CSF1R: variants seen among roughly 807,000 people sequenced by gnomAD.
CSF1R encodes macrophage colony-stimulating factor 1 receptor.
Under a neutral mutation model 110.0 loss-of-function variants are expected in CSF1R, and 40 were observed. The ratio of observed to expected loss-of-function variants is 0.36; its 90% CI spans 0.28 to 0.47. The LOEUF is 0.47. CSF1R is among the 20% of genes least tolerant of loss of function. CSF1R has a pLI of 0.99. For synonymous variants in CSF1R, 523 were observed against 503.4 expected, an observed-to-expected ratio of 1.04 and a Z score of -0.52; for missense variants, 1,052 against 1,253.0, an observed-to-expected ratio of 0.84 and a Z score of 2.42.
chr5:150,098,937 A>G (rs1045980311), intron 1 of CSF1R, among the ~76,000 whole-genome samples: 9 of 137,148 alleles, frequency 6.6e-5, no homozygotes, highest in Non-Finnish European at 1.2e-4. Flanking sequence ...CTTGTCACCC[A>G]GGCTATAGTG....
chr5:150,061,903 ACCTTGTTTCTGAC>A, intron 10 of CSF1R, 54 bp from the exon 11 acceptor site: 1 of 1,610,762 alleles, frequency 6.2e-7, no homozygotes, highest in South Asian at 1.1e-5. Context: ...CAGTTCCTGG[ACCTTGTTTCTGAC>A]CCCCAAGAGC....
In CSF1R at chr5:150,077,980, C is replaced by T. The variant is rs1011557412; in HGVS notation, c.729+132G>A. 1.8e-5 allele frequency: 21 copies of T among 1,193,940 alleles called. No homozygotes were observed. The African/African-American group carries it at 2.9e-4, about 16-fold the overall frequency. 74.0% of individuals were successfully genotyped at this position (1,193,940 alleles called of 1,614,324 possible). A position where few individuals can be genotyped will look rare whatever the true frequency, so the allele number is the denominator to read the frequency against. On this transcript the variant is annotated intron_variant, in intron 4 of 20. Coordinates refer to ENST00000675795, the MANE Select transcript of CSF1R (RefSeq NM_001288705.3). ...GTGAGATCTCGGGTGAGTCTGCACCCCTCTCTGGAGTCTGAGCTGTGCCTT... is the reference window on the plus strand; with the variant it reads ...GTGAGATCTCGGGTGAGTCTGCACCTCTCTCTGGAGTCTGAGCTGTGCCTT...
chr5:150,080,681 TGAATTGTTAC>T (rs1758496285), intron 2 of CSF1R, 76 bp downstream of exon 2: 4 of 1,534,496 alleles, frequency 2.6e-6, no homozygotes, highest in Non-Finnish European at 3.6e-6. Flanking sequence ...AATGCAGAGC[TGAATTGTTAC>T]GATTGTTAAT....
chr5:150,066,651 C>T (rs989180605), intron 10 of CSF1R, among the ~76,000 whole-genome samples: 1 of 152,218 alleles, frequency 6.6e-6, no homozygotes, highest in African/African-American at 2.4e-5. Flanking sequence ...GAGTAGAGAT[C>T]CCGATCCATG....
chr5:150,073,562 C>T (rs966361229), intron 5 of CSF1R, 69 bp from the exon 6 acceptor site: 3 of 1,513,260 alleles, frequency 2.0e-6, no homozygotes, highest in Admixed American at 1.7e-5. Context: ...TCCATTTTGT[C>T]ATCCACCCAT....
intron 10 of CSF1R, chr5:150,067,256 GTA>G (rs2113802795): frequency 6.6e-6 from 1 of 152,170 alleles, no homozygotes; most frequent in East Asian, 1.9e-4. Flanking sequence ...ATACTGACTA[GTA>G]TACTTCCTGC....
intron 10 of CSF1R, among the ~76,000 whole-genome samples, chr5:150,062,958 G>T (rs946907752): frequency 3.3e-5 from 5 of 152,102 alleles, no homozygotes; most frequent in Admixed American, 3.3e-4. Context: ...TGAGGGAAGT[G>T]GGGGGCAGAT....
intron 9 of CSF1R, among the ~76,000 whole-genome samples, chr5:150,068,739 C>G (rs1190009623): frequency 6.6e-6 from 1 of 152,216 alleles, no homozygotes; most frequent in Non-Finnish European, 1.5e-5. Context: ...CAACCTTCCT[C>G]TCCTGCATTT....
chr5:150,086,133 A>G (rs1758835114), intron 1 of CSF1R, among the ~76,000 whole-genome samples: 1 of 152,044 alleles, frequency 6.6e-6, no homozygotes, highest in South Asian at 2.1e-4. Flanking sequence ...AGGCTTGCTC[A>G]GGACACACAG....
chr5:150,054,150 G>A lies in CSF1R; in HGVS notation c.2838C>T (p.Ser946=), dbSNP rs768503863. The change falls in exon 21 of 21, where the codon AGC becomes AGT. Residue 946 remains serine (S), a synonymous_variant. Transcript: ENST00000675795. ...GSSSSELEEE[S]SSEHLTCCEQ... ...CGCAGCAGGTCAGGTGCTCACTAGA[G>A]CTCTCCTCCTCCAGCTCACTGCTGC... 5 of 1,613,732 alleles carry A rather than the reference G, an allele frequency of 3.1e-6. No individual in the cohort carries two copies. The East Asian group carries it at 8.9e-5, about 29-fold the overall frequency.
At chr5:150,080,398 G>T (rs1302952311) in intron 2 of CSF1R, 62 bp from the exon 3 acceptor site, 6 of 1,562,436 alleles carry the variant, frequency 3.8e-6, no homozygotes, top group Non-Finnish European at 5.2e-6. Flanking sequence ...AGGAGTACCT[G>T]GACATAGGTG....
chr5:150,077,177 G>T, intron 5 of CSF1R, 99 bp downstream of exon 5: 2 of 1,471,172 alleles, frequency 1.4e-6, no homozygotes, highest in Non-Finnish European at 1.9e-6. Context: ...GATATCCTCA[G>T]CAGGTCTCCT....
rs777479233 is a variant in CSF1R at position 150,056,228 on chromosome 5, G to C, written c.2433C>G (p.Val811=). 1 of 1,614,142 alleles carries C rather than the reference G, an allele frequency of 6.2e-7. No individual in the cohort carries two copies. The highest frequency in any genetic ancestry group is 2.2e-5 in the East Asian group (1 of 44,880). ...RDIMNDSNYI[V]KGNARLPVKW... is the part of the protein sequence containing the mutation. ...CCCTCCCAGCACTTACATTGCCCTTGACAATGTAGTTGGAGTCATTCATGA... is the reference window on the plus strand; with the variant it reads ...CCCTCCCAGCACTTACATTGCCCTTCACAATGTAGTTGGAGTCATTCATGA... Residue 811 remains valine (V), a synonymous_variant, in exon 17 of 21, where the codon GTC becomes GTG. Transcript: ENST00000675795.
chr5:150,100,037 G>A (rs1477101040), intron 1 of CSF1R, among the ~76,000 whole-genome samples: 2 of 152,272 alleles, frequency 1.3e-5, no homozygotes, highest in African/African-American at 2.4e-5. Flanking sequence ...TAGACAAATA[G>A]ACTGGTGGTA....
At chr5:150,057,873 C>A (rs555073877) in intron 14 of CSF1R, among the ~76,000 whole-genome samples, 5 of 152,334 alleles carry the variant, frequency 3.3e-5, no homozygotes, top group African/African-American at 9.6e-5. Context: ...AGCCCCTGCT[C>A]TACCCTCAAG....
At chr5:150,078,314 T>C in intron 3 of CSF1R, 66 bp from the exon 4 acceptor site, 1 of 1,580,372 alleles carries the variant, frequency 6.3e-7, no homozygotes, top group East Asian at 2.3e-5. Flanking sequence ...ATTGCTCTCC[T>C]CCCTGCCATG....
intron 1 of CSF1R, among the ~76,000 whole-genome samples, chr5:150,107,140 C>G (rs186566447): frequency 6.6e-6 from 1 of 152,346 alleles, no homozygotes. Flanking sequence ...AAGCTCTCCA[C>G]CCTCCAAAAG....
intron 1 of CSF1R, among the ~76,000 whole-genome samples, chr5:150,092,258 A>T (rs934069690): frequency 1.3e-5 from 2 of 152,234 alleles, no homozygotes; most frequent in African/African-American, 4.8e-5. Context: ...TCTCTGATTT[A>T]AAGCAAAAGT....
rs746285806 is a variant in CSF1R, at chr5:150,054,176, T to TGCTGCC, written c.2806_2811dup (p.Gly936_Ser937dup). ...CTCTCCTCCTCCAGCTCACTGCTGC[T>TGCTGCC]GCTGCCGCTGCCACCGCTTCTGCTG... is the stretch of plus-strand genomic sequence containing the variant. On this transcript the variant is annotated inframe_insertion, in exon 21 of 21. Transcript: ENST00000675795. 1.6e-5 allele frequency: 26 copies of TGCTGCC among 1,612,168 alleles called. No homozygotes were observed. The highest frequency in any genetic ancestry group is 9.3e-5 in the African/African-American group (7 of 74,882).
Sources: allele counts gnomAD v4.1 joint callset (sites outside exome capture counted in the v4.1 genomes callset), GRCh38; gene constraint gnomAD v4.1.1; transcripts MANE v1.5; gene names NCBI Gene and HGNC (gene_info 2026-07-23, HGNC 2026-07-21).